The following AKT3 variants were observed in gnomAD, a reference collection of about 807,000 sequenced individuals.
AKT3 encodes RAC-gamma serine/threonine-protein kinase.
Under a neutral mutation model 65.3 loss-of-function variants are expected in AKT3, and 15 were observed. The observed-to-expected ratio is 0.23, with a 90% CI of 0.15 to 0.35. AKT3 has a LOEUF of 0.35. Among genes scored for constraint, AKT3 ranks in the 10% least tolerant of loss-of-function variants. The pLI, the probability that AKT3 is intolerant of heterozygous loss-of-function variation, is 1.00. For missense variants in AKT3, 243 were observed against 576.5 expected (o/e 0.42, Z 5.92); for synonymous variants, 206 against 183.8 (o/e 1.12, Z -0.98).
chr1:243,492,500 C>T (rs1270384670), intron 13 of AKT3, among the ~76,000 whole-genome samples: 3 of 150,726 alleles, frequency 2.0e-5, no homozygotes, highest in Admixed American at 6.6e-5. Context: ...AACGGGGTTT[C>T]GCCATGTTGG....
chr1:243,557,504 A>G (rs1476223204), intron 10 of AKT3, among the ~76,000 whole-genome samples: 1 of 152,122 alleles, frequency 6.6e-6, no homozygotes, highest in Non-Finnish European at 1.5e-5. Context: ...GATGCCACTT[A>G]TAAACATTGA....
chr1:243,648,266 AAAAAGAAAAG>A, intron 4 of AKT3, among the ~76,000 whole-genome samples: 1 of 152,042 alleles, frequency 6.6e-6, no homozygotes, highest in East Asian at 1.9e-4. Flanking sequence ...TAAAAAAAAA[AAAAAGAAAAG>A]AAAAGAAAAA....
intron 8 of AKT3, among the ~76,000 whole-genome samples, chr1:243,599,538 G>A (rs1213830950): frequency 6.6e-6 from 1 of 152,090 alleles, no homozygotes; most frequent in Non-Finnish European, 1.5e-5. Context: ...CAGGTAAAGT[G>A]ACACAGCATA....
At position 243,532,430 on chromosome 1, in the gene AKT3, C is replaced by G. The variant is rs1467024717; in HGVS notation, c.1251+13080G>C. On this transcript the variant is annotated intron_variant, in intron 12 of 13. Coordinates refer to ENST00000673466, the MANE Select transcript of AKT3 (RefSeq NM_005465.7). ...GTTGAAATGATCATGCAAGTTTTCT[C>G]CTTCATTCTATTAATGTGGGACATT... is the stretch of plus-strand genomic sequence containing the variant. 4.6e-5 allele frequency among the ~76,000 whole-genome samples: 7 copies of G among 152,162 alleles called. No individual in the cohort carries two copies. The East Asian group carries it at 1.4e-3, about 29-fold the overall frequency.
intron 3 of AKT3, among the ~76,000 whole-genome samples, chr1:243,690,736 G>A (rs1684637200): frequency 1.3e-5 from 2 of 150,168 alleles, no homozygotes; most frequent in Admixed American, 1.3e-4. Context: ...TAATATAGGG[G>A]TGGGGGAGGG....
At chr1:243,825,916 G>A (rs1462933180) in intron 2 of AKT3, among the ~76,000 whole-genome samples, 2 of 152,150 alleles carry the variant, frequency 1.3e-5, no homozygotes, top group African/African-American at 4.8e-5. Flanking sequence ...CAGAACACCT[G>A]AAGTCAAGAG....
At chr1:243,688,421 A>G (rs1017472560) in intron 3 of AKT3, among the ~76,000 whole-genome samples, 2 of 152,216 alleles carry the variant, frequency 1.3e-5, no homozygotes, top group East Asian at 1.9e-4. Context: ...TTCCTTGTCA[A>G]AAATGGAGAA....
intron 12 of AKT3, among the ~76,000 whole-genome samples, chr1:243,538,506 G>A (rs1672081811): frequency 1.3e-5 from 2 of 152,062 alleles, no homozygotes; most frequent in Admixed American, 1.3e-4. Context: ...ATGAATAACA[G>A]AAAAACAAGA....
In AKT3 at chr1:243,573,845, C is replaced by T. The variant is rs535240127; in HGVS notation, c.697-797G>A. Among the ~76,000 whole-genome samples, 12 of 152,262 alleles carry T rather than the reference C, an allele frequency of 7.9e-5. No homozygotes were observed. The South Asian group carries it at 1.0e-3, about 13-fold the overall frequency. ...TGGGTGCTTACTGTGACCAAGTACA[C>T]GGCTCTCCAATAGGCCACTTCTTCA... On this transcript the variant is annotated intron_variant, in intron 8 of 13. Transcript: ENST00000673466.
At chr1:243,674,299 A>G (rs1003583823) in intron 3 of AKT3, among the ~76,000 whole-genome samples, 10 of 152,208 alleles carry the variant, frequency 6.6e-5, no homozygotes, top group African/African-American at 2.4e-4. Flanking sequence ...CACATGAGAG[A>G]AACTTAGTTT....
At chr1:243,592,334 C>CA (rs1293482423) in intron 8 of AKT3, among the ~76,000 whole-genome samples, 287 of 131,258 alleles carry the variant, frequency 2.2e-3, no homozygotes, top group East Asian at 5.1e-3. Flanking sequence ...GACTCCGTCT[C>CA]AAAAAAAAAA....
Position 243,562,421 on chromosome 1 carries a change from T to C in AKT3, c.948+1299A>G, listed in dbSNP as rs554325145. On this transcript the variant is annotated intron_variant, in intron 10 of 13. Transcript: ENST00000673466. Reference sequence around the variant, plus strand: ...ATAGTTGTACAACTCTGTGAACATATTAAAAATCACCAAAGTGTGTATTTT... The same window carrying C: ...ATAGTTGTACAACTCTGTGAACATACTAAAAATCACCAAAGTGTGTATTTT... Among the ~76,000 whole-genome samples, 12 of 152,278 alleles carry C rather than the reference T, an allele frequency of 7.9e-5. No homozygotes were observed. The South Asian group carries it at 1.2e-3, about 16-fold the overall frequency.
chr1:243,756,226 GAA>G (rs1689128866), intron 2 of AKT3, among the ~76,000 whole-genome samples: 1 of 152,140 alleles, frequency 6.6e-6, no homozygotes. Flanking sequence ...TATTTTTAAT[GAA>G]AGAGCTTGAC....
intron 13 of AKT3, chr1:243,488,583 A>G (rs1665578364): frequency 4.3e-6 from 1 of 230,378 alleles, no homozygotes; most frequent in African/African-American, 2.3e-5. Flanking sequence ...TGACTGAGTG[A>G]TTAATAATGG....
intron 2 of AKT3, among the ~76,000 whole-genome samples, chr1:243,744,709 A>C (rs1688372113): frequency 6.7e-6 from 1 of 149,200 alleles, no homozygotes; most frequent in African/African-American, 2.5e-5. Context: ...CCTGCACTCC[A>C]GCCTGGGTGA....
intron 8 of AKT3, among the ~76,000 whole-genome samples, chr1:243,613,354 A>G (rs1339225221): frequency 1.4e-4 from 22 of 151,982 alleles, no homozygotes; most frequent in Admixed American, 1.2e-3. Context: ...GTGAAACAAT[A>G]AATCTTGTAT....
At chr1:243,848,704 T>A (rs1415602992) in intron 1 of AKT3, among the ~76,000 whole-genome samples, 1 of 152,226 alleles carries the variant, frequency 6.6e-6, no homozygotes, top group Admixed American at 6.5e-5. Context: ...ACTGCCAATG[T>A]ATTAACTACA....
intron 4 of AKT3, among the ~76,000 whole-genome samples, chr1:243,656,850 T>C (rs537371065): frequency 6.6e-6 from 1 of 152,342 alleles, no homozygotes; most frequent in South Asian, 2.1e-4. Flanking sequence ...TTTGTCTATA[T>C]TGTGGATGGT....
chr1:243,685,677 T>G (rs1013506245), intron 3 of AKT3, among the ~76,000 whole-genome samples: 1 of 152,050 alleles, frequency 6.6e-6, no homozygotes, highest in African/African-American at 2.4e-5. Context: ...TTCTTGGCAT[T>G]CCCTTTGAAA....
Sources: gnomAD v4.1 joint callset for allele counts (sites outside exome capture counted in the v4.1 genomes callset) on GRCh38, gnomAD v4.1.1 for gene constraint, MANE v1.5 for transcripts, NCBI Gene and HGNC (gene_info 2026-07-23, HGNC 2026-07-21) for gene names.